The following ARHGAP8 variants were observed in gnomAD, a reference collection of about 807,000 sequenced individuals.
ARHGAP8 encodes the protein Rho GTPase activating protein 8.
ARHGAP8 carries 62 observed loss-of-function variants against 46.1 expected under a neutral mutation model. The ratio of observed to expected loss-of-function variants is 1.34; its 90% CI spans 1.10 to 1.66. The LOEUF is 1.66. Ranked by LOEUF, ARHGAP8 falls within the 40% of genes most tolerant of loss-of-function variation. The probability of loss-of-function intolerance (pLI) is 0.00; values close to 1 mark genes in which losing one functional copy is unlikely to be tolerated. For missense variants in ARHGAP8, 923 were observed against 568.4 expected (o/e 1.62, Z -6.34); for synonymous variants, 375 against 243.1 (o/e 1.54, Z -5.05).
rs6007298 is a variant in ARHGAP8, at chr22:44,790,228, G to A, written c.79+3622G>A. ...AAGAATAGAGGTTTGAGTTAATGTC[G>A]TGGCAGTGGGATGCAGAGGAGGGCA... On this transcript the variant is annotated intron_variant, in intron 2 of 11. Transcript: ENST00000356099. Among the ~76,000 whole-genome samples, 488 of 152,222 alleles carry A rather than the reference G, an allele frequency of 3.2e-3. 2 individuals are homozygous for A. The highest frequency in any genetic ancestry group is 0.011 in the African/African-American group (466 of 41,558).
chr22:44,843,949 T>G (rs955191776), intron 7 of ARHGAP8, among the ~76,000 whole-genome samples: 1 of 151,274 alleles, frequency 6.6e-6, no homozygotes, highest in Non-Finnish European at 1.5e-5. Flanking sequence ...TCACTACAAA[T>G]AAAAAGATAC....
At chr22:44,800,100 C>CTTTTTTTTT (rs769010356) in intron 2 of ARHGAP8, among the ~76,000 whole-genome samples, 1 of 92,560 alleles carries the variant, frequency 1.1e-5, no homozygotes, top group Non-Finnish European at 2.0e-5. Context: ...TCTGTTCTGT[C>CTTTTTTTTT]TTTTTTTTTT....
At chr22:44,852,394 T>C (rs150243519) in intron 10 of ARHGAP8, among the ~76,000 whole-genome samples, 1 of 152,208 alleles carries the variant, frequency 6.6e-6, no homozygotes, top group East Asian at 1.9e-4. Flanking sequence ...TAGAAGGTTT[T>C]ATGATCTGCT....
At position 44,825,610 on chromosome 22, in the gene ARHGAP8, T is replaced by A; in HGVS notation, c.596+17T>A. ...TCTGCAATAGTAAGTGAGCCGGGGATGTGCCTGCTCCTATGCCCTGGAGCC... is the reference window on the plus strand; with the variant it reads ...TCTGCAATAGTAAGTGAGCCGGGGAAGTGCCTGCTCCTATGCCCTGGAGCC... On this transcript the variant is annotated intron_variant, in intron 7 of 11. Coordinates refer to ENST00000356099, the MANE Select transcript of ARHGAP8 (RefSeq NM_181335.3). 6 of 1,607,628 alleles carry A rather than the reference T, an allele frequency of 3.7e-6. No individual in the cohort carries two copies. Among genetic ancestry groups the A allele is most frequent in the Non-Finnish European group, 5.1e-6 (6 of 1,176,786 alleles).
intron 1 of ARHGAP8, among the ~76,000 whole-genome samples, chr22:44,780,310 T>C (rs1414426271): frequency 1.3e-5 from 2 of 151,902 alleles, no homozygotes; most frequent in African/African-American, 4.8e-5. Context: ...TGAGCTGTGA[T>C]TGCGCCACTG....
At chr22:44,757,174 C>G (rs192271491) in intron 1 of ARHGAP8, among the ~76,000 whole-genome samples, 30 of 152,264 alleles carry the variant, frequency 2.0e-4, no homozygotes, top group African/African-American at 5.8e-4. Flanking sequence ...TCTTGGCCCC[C>G]CAAAGTGCTG....
chr22:44,772,252 T>C (rs1487297625), intron 1 of ARHGAP8, among the ~76,000 whole-genome samples: 1 of 100,586 alleles, frequency 9.9e-6, no homozygotes, highest in Non-Finnish European at 2.0e-5. Context: ...TTTTTTTTTT[T>C]TCAAGACTGA....
intron 10 of ARHGAP8, among the ~76,000 whole-genome samples, chr22:44,853,408 C>G (rs1255912680): frequency 6.6e-6 from 1 of 152,134 alleles, no homozygotes; most frequent in African/African-American, 2.4e-5. Flanking sequence ...GTCATGCCAA[C>G]TCAGGGGGTA....
chr22:44,787,456 C>T (rs1405147497), intron 2 of ARHGAP8, among the ~76,000 whole-genome samples: 3 of 152,302 alleles, frequency 2.0e-5, no homozygotes, highest in South Asian at 2.1e-4. Context: ...AGAGATTCTC[C>T]TCCTCAGCCT....
intron 1 of ARHGAP8, among the ~76,000 whole-genome samples, chr22:44,780,119 G>A (rs1195473017): frequency 6.6e-6 from 1 of 152,148 alleles, no homozygotes; most frequent in Non-Finnish European, 1.5e-5. Flanking sequence ...CCTGGTCCTG[G>A]GAGAAGATCA....
chr22:44,823,061 C>T (rs1035231658), intron 6 of ARHGAP8, among the ~76,000 whole-genome samples: 1 of 152,242 alleles, frequency 6.6e-6, no homozygotes, highest in Non-Finnish European at 1.5e-5. Context: ...CTCTCTGAGG[C>T]GCTCCTTTGA....
In ARHGAP8 at chr22:44,843,864, T is replaced by C. The variant is rs9626574; in HGVS notation, c.597-1405T>C. On this transcript the variant is annotated intron_variant, in intron 7 of 11. Transcript: ENST00000356099. The stretch of plus-strand genomic sequence containing the variant: ...AAAAAAGGATGGGATATGAGACTTA[T>C]ACTATAAGTAGAATGGTATAATATC... Among the ~76,000 whole-genome samples the C allele has an allele frequency of 9.0e-3, 1,341 of 149,560 alleles. 14 individuals carry two copies. The highest frequency in any genetic ancestry group is 0.031 in the African/African-American group (1,272 of 40,740).
At chr22:44,857,657 C>A (rs941367038) in intron 10 of ARHGAP8, among the ~76,000 whole-genome samples, 3 of 152,068 alleles carry the variant, frequency 2.0e-5, no homozygotes, top group African/African-American at 7.2e-5. Context: ...TTGCCCCTTC[C>A]CTCTGGGTAT....
chr22:44,757,004 C>G (rs1237460458), intron 1 of ARHGAP8, among the ~76,000 whole-genome samples: 1 of 152,136 alleles, frequency 6.6e-6, no homozygotes, highest in Non-Finnish European at 1.5e-5. Context: ...CGGCCTCGAA[C>G]TCCTGGGCTT....
At chr22:44,767,928 A>G (rs1378841051) in intron 1 of ARHGAP8, among the ~76,000 whole-genome samples, 1 of 143,460 alleles carries the variant, frequency 7.0e-6, no homozygotes, top group Non-Finnish European at 1.5e-5. Context: ...CAACCAGGCC[A>G]ATTGTCCTGT....
At chr22:44,790,512 C>G (rs777490683) in intron 2 of ARHGAP8, among the ~76,000 whole-genome samples, 8 of 151,694 alleles carry the variant, frequency 5.3e-5, no homozygotes, top group Non-Finnish European at 7.4e-5. Flanking sequence ...CCCGTCTCTA[C>G]TAAAAATACA....
Position 44,808,341 on chromosome 22 carries a change from A to G in ARHGAP8, c.202A>G (p.Asn68Asp). The G allele has an allele frequency of 2.5e-6, 4 of 1,614,222 alleles. No individual in the cohort carries two copies. The South Asian group carries it at 3.3e-5, about 13-fold the overall frequency. ...GTACACACTGGACCAATACGTTGAG[A>G]ACGATTATACCATCGTCTATTTCCA... ...LKYTLDQYVE[N>D]DYTIVYFHYG... The change falls in exon 4 of 12, where the codon AAC becomes GAC. Residue 68 changes from asparagine to aspartate, a missense_variant. Physicochemically the swap from Asn to Asp is conservative, Grantham distance 23 (BLOSUM62 1). Transcript: ENST00000356099.
intron 2 of ARHGAP8, among the ~76,000 whole-genome samples, chr22:44,789,325 A>G (rs1927496135): frequency 2.0e-5 from 3 of 151,662 alleles, no homozygotes; most frequent in South Asian, 2.1e-4. Flanking sequence ...TAATTTTTGT[A>G]TCTTTAGCAG....
intron 10 of ARHGAP8, chr22:44,849,377 C>T (rs2070040020): frequency 1.1e-5 from 4 of 365,920 alleles, no homozygotes; most frequent in South Asian, 9.3e-5. Flanking sequence ...GGTCAAAGTC[C>T]TGCCTGTAAC....
Sources: allele counts gnomAD v4.1 joint callset (sites outside exome capture counted in the v4.1 genomes callset), GRCh38; gene constraint gnomAD v4.1.1; transcripts MANE v1.5; gene names NCBI Gene and HGNC (gene_info 2026-07-23, HGNC 2026-07-21).